Variants in PCDHGA2 observed in about 807,000 individuals in gnomAD.
The protein encoded by PCDHGA2 is protocadherin gamma subfamily A, 2.
Under a neutral mutation model 59.2 loss-of-function variants are expected in PCDHGA2, and 40 were observed. That is an observed-to-expected ratio of 0.68 (90% confidence interval 0.52 to 0.88). The LOEUF (loss-of-function observed/expected upper bound fraction) is 0.88. PCDHGA2 is among the 40% of genes least tolerant of loss of function. The probability of loss-of-function intolerance (pLI) is 0.00; values close to 1 mark genes in which losing one functional copy is unlikely to be tolerated. For missense variants in PCDHGA2, 1,226 were observed against 1,204.0 expected, an observed-to-expected ratio of 1.02 and a Z score of -0.27; for synonymous variants, 560 against 526.0, an observed-to-expected ratio of 1.06 and a Z score of -0.89.
chr5:141,478,671 A>G (rs996413401), intron 1 of PCDHGA2: 19 of 1,551,538 alleles, frequency 1.2e-5, no homozygotes, highest in Non-Finnish European at 1.7e-5. Context: ...TCACACTTTC[A>G]ACTGGCCCTT....
chr5:141,362,383 T>C (rs781696906), intron 1 of PCDHGA2: 4 of 1,614,050 alleles, frequency 2.5e-6, no homozygotes, highest in Non-Finnish European at 2.5e-6. Context: ...TACATTGCCC[T>C]ATTCCTACAA....
chr5:141,357,470 T>C, intron 1 of PCDHGA2: 1 of 1,614,068 alleles, frequency 6.2e-7, no homozygotes, highest in South Asian at 1.1e-5. Context: ...TCCCACGAGG[T>C]CTCCCTCACC....
intron 1 of PCDHGA2, chr5:141,361,049 A>G (rs1276582922): frequency 1.2e-6 from 2 of 1,613,746 alleles, no homozygotes; most frequent in South Asian, 1.1e-5. Flanking sequence ...ACGACAAAGG[A>G]TGATTTGGAT....
In PCDHGA2 at chr5:141,398,596, G is replaced by A. The variant is rs201846904; in HGVS notation, c.2424+57201G>A. 1,173 of 1,614,034 alleles carry A rather than the reference G, an allele frequency of 7.3e-4. 1 individual carries two copies. Among genetic ancestry groups the A allele is most frequent in the Non-Finnish European group, 9.3e-4 (1,101 of 1,179,898 alleles). ...TGGCACAAGATTTATACTAGAAGTA[G>A]CAGAAGATGCAGATATTGGCTTAAA... is the stretch of plus-strand genomic sequence containing the variant. On this transcript the variant is annotated intron_variant, in intron 1 of 3. Transcript: ENST00000394576.
intron 1 of PCDHGA2, among the ~76,000 whole-genome samples, chr5:141,380,760 A>C (rs1264111789): frequency 6.6e-6 from 1 of 152,232 alleles, no homozygotes; most frequent in Non-Finnish European, 1.5e-5. Context: ...AGACACTATA[A>C]ATTAATTGAG....
intron 1 of PCDHGA2, among the ~76,000 whole-genome samples, chr5:141,464,702 G>T (rs934638404): frequency 1.3e-5 from 2 of 151,942 alleles, no homozygotes; most frequent in African/African-American, 2.4e-5. Context: ...TATGAATGAG[G>T]TTAAATAGTT....
In PCDHGA2 at chr5:141,359,357, G is replaced by C. The variant is rs952787963; in HGVS notation, c.2424+17962G>C. Reference sequence around the variant, plus strand: ...GAATGAGAGTGCCACATGTTTTAAAGGCCTAGGAAAGCAGTAGATAATTTA... The same window carrying C: ...GAATGAGAGTGCCACATGTTTTAAACGCCTAGGAAAGCAGTAGATAATTTA... On this transcript the variant is annotated intron_variant, in intron 1 of 3. Transcript: ENST00000394576. Among the ~76,000 whole-genome samples, 72 of 151,956 alleles carry C rather than the reference G, an allele frequency of 4.7e-4. 2 individuals carry two copies. The highest frequency in any genetic ancestry group is 5.9e-5 in the Non-Finnish European group (4 of 67,988).
chr5:141,473,367 T>C (rs1343477225), intron 1 of PCDHGA2, among the ~76,000 whole-genome samples: 1 of 152,178 alleles, frequency 6.6e-6, no homozygotes, highest in Non-Finnish European at 1.5e-5. Flanking sequence ...GCCACCAAAA[T>C]AGCATGGTCC....
rs563654735 is a variant in PCDHGA2 at position 141,365,009 on chromosome 5, C to T, written c.2424+23614C>T. On this transcript the variant is annotated intron_variant, in intron 1 of 3. Coordinates refer to ENST00000394576, the MANE Select transcript of PCDHGA2 (RefSeq NM_018915.4). ...AGACCCGGTACTCTCCGGCACCACG[C>T]ACATCCGTGTTACGGTCCTCGACGC... The T allele has an allele frequency of 7.4e-5, 119 of 1,613,926 alleles. No homozygotes were observed. The East Asian group carries it at 2.6e-3, about 36-fold the overall frequency.
intron 1 of PCDHGA2, chr5:141,428,239 G>T (rs1183885220): frequency 3.0e-6 from 3 of 997,526 alleles, no homozygotes; most frequent in Non-Finnish European, 4.6e-6. Flanking sequence ...CCTGCAGGAG[G>T]CACTGCCAGA....
chr5:141,439,212 T>G (rs1391791892), intron 1 of PCDHGA2, among the ~76,000 whole-genome samples: 1 of 150,642 alleles, frequency 6.6e-6, no homozygotes, highest in Non-Finnish European at 1.5e-5. Context: ...AAAATCCATA[T>G]GTGAAAATTC....
chr5:141,348,855 T>C (rs1033891366), intron 1 of PCDHGA2, among the ~76,000 whole-genome samples: 5 of 152,168 alleles, frequency 3.3e-5, no homozygotes, highest in South Asian at 2.1e-4. Context: ...CACTGCAAAA[T>C]AGTAGAATAA....
At chr5:141,372,063 G>C (rs571325193) in intron 1 of PCDHGA2, 20 of 1,613,430 alleles carry the variant, frequency 1.2e-5, no homozygotes, top group East Asian at 2.2e-5. Flanking sequence ...CGACCGCAAC[G>C]ACAATGCACC....
In PCDHGA2 at chr5:141,512,517, A is replaced by G. The variant is rs985434754; in HGVS notation, c.*1344A>G. ...GTCCCCAGTGCGCCCCCTAGTGGCC[A>G]TAGCCTGGTTAAAGTTCCCCAGTGC... On this transcript the variant is annotated 3_prime_UTR_variant, in exon 4 of 4. Coordinates refer to ENST00000394576, the MANE Select transcript of PCDHGA2 (RefSeq NM_018915.4). 3 of 152,938 alleles carry G rather than the reference A, an allele frequency of 2.0e-5. No individual in the cohort carries two copies. Among genetic ancestry groups the G allele is most frequent in the African/African-American group, 7.2e-5 (3 of 41,464 alleles). 9.5% of individuals were successfully genotyped at this position (152,938 alleles called of 1,614,324 possible).
In PCDHGA2 at chr5:141,491,759, G is replaced by C. The variant is rs746395685; in HGVS notation, c.2425-3048G>C. 3 of 1,575,392 alleles carry C rather than the reference G, an allele frequency of 1.9e-6. No individual in the cohort carries two copies. Among genetic ancestry groups the C allele is most frequent in the Non-Finnish European group, 2.6e-6 (3 of 1,161,808 alleles). ...GGGGGCGGCACTGGAGAAGCCGCCC[G>C]TCCTCATAAGGGATTGAACTTGCAT... On this transcript the variant is annotated intron_variant, in intron 1 of 3. Coordinates refer to ENST00000394576, the MANE Select transcript of PCDHGA2 (RefSeq NM_018915.4). The surrounding 1 kb of genome is among the most constrained non-coding windows in gnomAD (Gnocchi z 6.9).
chr5:141,409,328 T>A, intron 1 of PCDHGA2: 3 of 1,613,926 alleles, frequency 1.9e-6, no homozygotes, highest in Non-Finnish European at 2.5e-6. Context: ...GGATCTGGAT[T>A]TCGGAGGAAA....
In PCDHGA2 at chr5:141,458,391, C is replaced by G. The variant is rs534396279; in HGVS notation, c.2425-36416C>G. 5.9e-5 allele frequency among the ~76,000 whole-genome samples: 9 copies of G among 152,126 alleles called. No homozygotes were observed. In the South Asian group the frequency reaches 1.0e-3, roughly 18 times the overall value. ...GGAGAAGAGAGAAGGAAGACGCTCCCCCTTGCAGAGACGGAGCGGGGGTTC... is the reference window on the plus strand; with the variant it reads ...GGAGAAGAGAGAAGGAAGACGCTCCGCCTTGCAGAGACGGAGCGGGGGTTC... On this transcript the variant is annotated intron_variant, in intron 1 of 3. Coordinates refer to ENST00000394576, the MANE Select transcript of PCDHGA2 (RefSeq NM_018915.4).
intron 1 of PCDHGA2, among the ~76,000 whole-genome samples, chr5:141,452,114 A>C (rs1443131264): frequency 1.3e-5 from 2 of 152,098 alleles, no homozygotes; most frequent in Admixed American, 1.3e-4. Flanking sequence ...TTCTCTTCTT[A>C]TTTATTCATA....
intron 2 of PCDHGA2, among the ~76,000 whole-genome samples, chr5:141,504,354 G>C (rs1349256606): frequency 6.6e-6 from 1 of 152,100 alleles, no homozygotes; most frequent in Non-Finnish European, 1.5e-5. Flanking sequence ...TGTGCTAGGT[G>C]CTTCAGTAGG....
Sources: allele counts gnomAD v4.1 joint callset (sites outside exome capture counted in the v4.1 genomes callset), GRCh38; gene constraint gnomAD v4.1.1; non-coding constraint Gnocchi (gnomAD v3.1); transcripts MANE v1.5; gene names NCBI Gene and HGNC (gene_info 2026-07-23, HGNC 2026-07-21).